The following WWOX variants were observed in gnomAD, a reference collection of about 807,000 sequenced individuals.
WWOX encodes WW domain-containing oxidoreductase.
A neutral mutation model predicts 46.2 loss-of-function variants in WWOX; 69 were observed. The observed-to-expected ratio is 1.49, with a 90% CI of 1.23 to 1.82. WWOX has a LOEUF of 1.82. Ranked by LOEUF, WWOX falls within the 40% of genes most tolerant of loss-of-function variation. WWOX has a pLI of 0.00. For missense variants in WWOX, 919 were observed against 542.6 expected (o/e 1.69, Z -6.89); for synonymous variants, 359 against 202.6 (o/e 1.77, Z -6.56).
At chr16:78,346,359 T>G (rs1243236542) in intron 5 of WWOX, among the ~76,000 whole-genome samples, 1 of 121,412 alleles carries the variant, frequency 8.2e-6, no homozygotes, top group African/African-American at 2.8e-5. Flanking sequence ...CCGTGAATAT[T>G]GATGCACTAG....
At chr16:78,816,197 G>A (rs531982131) in intron 8 of WWOX, among the ~76,000 whole-genome samples, 2 of 152,270 alleles carry the variant, frequency 1.3e-5, no homozygotes, top group South Asian at 4.1e-4. Flanking sequence ...CTCTGATAAA[G>A]AATTGATGTA....
At chr16:78,922,473 G>A (rs1249772367) in intron 8 of WWOX, among the ~76,000 whole-genome samples, 1 of 151,784 alleles carries the variant, frequency 6.6e-6, no homozygotes, top group African/African-American at 2.4e-5. Flanking sequence ...CTACCTCCCG[G>A]GTTCAAGCGA....
At chr16:78,164,884 ATGATAGCGTGAGTG>A (rs1328820110) in intron 5 of WWOX, among the ~76,000 whole-genome samples, 1 of 152,186 alleles carries the variant, frequency 6.6e-6, no homozygotes, top group Admixed American at 6.5e-5. Flanking sequence ...GGTGGGGGGA[ATGATAGCGTGAGTG>A]TGATGGAGTC....
At chr16:79,149,151 T>A (rs1162621553) in intron 8 of WWOX, among the ~76,000 whole-genome samples, 1 of 152,178 alleles carries the variant, frequency 6.6e-6, no homozygotes, top group Non-Finnish European at 1.5e-5. Flanking sequence ...ACCACTAAAT[T>A]TGATGCTAGC....
At position 78,236,943 on chromosome 16, in the gene WWOX, G is replaced by A. The variant is rs141962089; in HGVS notation, c.516+72654G>A. Reference sequence around the variant, plus strand: ...TACAAAAGTTAGCCGGTGTGGTGGTGCATGCCTGTAATCCCAGCTACTCAG... The same window carrying A: ...TACAAAAGTTAGCCGGTGTGGTGGTACATGCCTGTAATCCCAGCTACTCAG... On this transcript the variant is annotated intron_variant, in intron 5 of 8. Coordinates refer to ENST00000566780, the MANE Select transcript of WWOX (RefSeq NM_016373.4). Among the ~76,000 whole-genome samples the A allele has an allele frequency of 5.8e-3, 884 of 152,114 alleles. 4 individuals are homozygous for A. Among genetic ancestry groups the A allele is most frequent in the Middle Eastern group, 0.02 (6 of 294 alleles).
intron 5 of WWOX, among the ~76,000 whole-genome samples, chr16:78,250,807 C>T (rs750333810): frequency 1.3e-5 from 2 of 152,282 alleles, no homozygotes; most frequent in Non-Finnish European, 2.9e-5. Flanking sequence ...AAAACCATAA[C>T]CACCTGCAAA....
At chr16:78,735,923 C>G (rs2049081179) in intron 8 of WWOX, among the ~76,000 whole-genome samples, 1 of 151,978 alleles carries the variant, frequency 6.6e-6, no homozygotes, top group Non-Finnish European at 1.5e-5. Flanking sequence ...TTCTCTTTCT[C>G]TCACCTCCGA....
At chr16:78,621,689 C>A (rs1325185093) in intron 8 of WWOX, among the ~76,000 whole-genome samples, 1 of 141,398 alleles carries the variant, frequency 7.1e-6, no homozygotes, top group Non-Finnish European at 1.5e-5. Context: ...ACCACGAGCT[C>A]TGCGTCGTGG....
intron 7 of WWOX, among the ~76,000 whole-genome samples, chr16:78,430,271 C>T (rs1374356037): frequency 6.6e-6 from 1 of 152,158 alleles, no homozygotes; most frequent in Non-Finnish European, 1.5e-5. Context: ...CTTATCTCCA[C>T]CTGGCTCTGC....
chr16:79,032,049 T>C (rs1430376476), intron 8 of WWOX, among the ~76,000 whole-genome samples: 1 of 144,958 alleles, frequency 6.9e-6, no homozygotes, highest in Non-Finnish European at 1.5e-5. Flanking sequence ...TCCTGCCTCC[T>C]TCTGTATGTA....
intron 5 of WWOX, among the ~76,000 whole-genome samples, chr16:78,282,818 C>T (rs12928347): frequency 0.24 from 33,790 of 142,084 alleles, 4,094 homozygotes; most frequent in East Asian, 0.47. Context: ...GTGGAGGTTG[C>T]AGTGAGCCGA....
At chr16:78,405,191 G>T (rs1289854953) in intron 6 of WWOX, among the ~76,000 whole-genome samples, 4 of 152,112 alleles carry the variant, frequency 2.6e-5, no homozygotes, top group Non-Finnish European at 2.9e-5. Flanking sequence ...TGATGTTCTG[G>T]AATTCACTAT....
chr16:78,881,964 A>G (rs1463100931), intron 8 of WWOX, among the ~76,000 whole-genome samples: 2 of 152,110 alleles, frequency 1.3e-5, no homozygotes, highest in African/African-American at 4.8e-5. Context: ...CTTTACTACT[A>G]AAAATACAAA....
chr16:78,237,650 C>A (rs1281672319), intron 5 of WWOX: 2 of 152,142 alleles, frequency 1.3e-5, no homozygotes, highest in African/African-American at 4.8e-5. Context: ...CTATGGCCTG[C>A]AGGCTCAGAA....
At chr16:78,845,544 C>T (rs755398913) in intron 8 of WWOX, among the ~76,000 whole-genome samples, 2 of 152,114 alleles carry the variant, frequency 1.3e-5, no homozygotes, top group African/African-American at 4.8e-5. Flanking sequence ...GTGTAATTTT[C>T]CCCCAAAAGC....
rs527376236 is a variant in WWOX at position 78,660,973 on chromosome 16, C to A, written c.1056+228221C>A. On this transcript the variant is annotated intron_variant, in intron 8 of 8. Coordinates refer to ENST00000566780, the MANE Select transcript of WWOX (RefSeq NM_016373.4). ...ATCACATGGTGTCATTTAATATATT[C>A]ATTCCTATTTATAGACATTGAAGTT... Among the ~76,000 whole-genome samples the A allele has an allele frequency of 4.6e-5, 7 of 152,240 alleles. No individual in the cohort carries two copies. In the South Asian group the frequency reaches 1.0e-3, roughly 23 times the overall value.
intron 8 of WWOX, among the ~76,000 whole-genome samples, chr16:79,048,508 A>G (rs1269367627): frequency 6.6e-6 from 1 of 152,130 alleles, no homozygotes; most frequent in African/African-American, 2.4e-5. Context: ...TTTCTGTAGC[A>G]GTAATCATAT....
intron 5 of WWOX, among the ~76,000 whole-genome samples, chr16:78,298,808 A>T (rs1230859302): frequency 2.1e-5 from 3 of 139,930 alleles, no homozygotes; most frequent in Non-Finnish European, 4.7e-5. Context: ...AAAAAAAAAA[A>T]ATTATGTCCT....
intron 5 of WWOX, among the ~76,000 whole-genome samples, chr16:78,191,651 CA>C (rs1452759997): frequency 2.6e-5 from 4 of 152,076 alleles, no homozygotes. Context: ...GTGGAATTAA[CA>C]TAGATTTCCC....
Sources: allele counts gnomAD v4.1 joint callset (sites outside exome capture counted in the v4.1 genomes callset), GRCh38; gene constraint gnomAD v4.1.1; transcripts MANE v1.5; gene names NCBI Gene and HGNC (gene_info 2026-07-23, HGNC 2026-07-21).